Variants in HEYL observed in about 807,000 individuals in gnomAD.
The protein encoded by HEYL is hes related family bHLH transcription factor with YRPW motif like.
Under a neutral mutation model 18.6 loss-of-function variants are expected in HEYL, and 12 were observed. That is an observed-to-expected ratio of 0.65 (90% confidence interval 0.41 to 1.05). The LOEUF (loss-of-function observed/expected upper bound fraction) is 1.05. Among genes scored for constraint, HEYL ranks in the 50% least tolerant of loss-of-function variants. The pLI is 0.00. For missense variants in HEYL, 420 were observed against 444.7 expected, an observed-to-expected ratio of 0.94 and a Z score of 0.50; for synonymous variants, 159 against 179.6, an observed-to-expected ratio of 0.89 and a Z score of 0.91.
chr1:39,635,531 C>A (rs1410699170), intron 1 of HEYL, among the ~76,000 whole-genome samples: 1 of 152,202 alleles, frequency 6.6e-6, no homozygotes, highest in African/African-American at 2.4e-5. Flanking sequence ...TTATTTCCCC[C>A]CTTCTCCTCT....
chr1:39,637,920 A>G (rs1646368653), intron 1 of HEYL, among the ~76,000 whole-genome samples: 1 of 151,996 alleles, frequency 6.6e-6, no homozygotes, highest in Non-Finnish European at 1.5e-5. Context: ...CTGGGCTGCA[A>G]ACTTGTGGAG....
intron 3 of HEYL, 63 bp from the exon 4 acceptor site, chr1:39,630,371 C>T (rs773610511): frequency 1.3e-4 from 166 of 1,283,710 alleles, no homozygotes; most frequent in Non-Finnish European, 1.7e-4. Flanking sequence ...GCGGTGTCAT[C>T]AGCACTCACT....
chr1:39,636,973 C>T (rs1255526073), intron 1 of HEYL, among the ~76,000 whole-genome samples: 1 of 152,198 alleles, frequency 6.6e-6, no homozygotes, highest in Non-Finnish European at 1.5e-5. Flanking sequence ...CCTTATCCTG[C>T]GAGGCAGGAG....
chr1:39,631,588 T>A lies in HEYL; in HGVS notation c.148-9A>T. On this transcript the variant is annotated splice_polypyrimidine_tract_variant and intron_variant, in intron 2 of 4. Coordinates refer to ENST00000372852, the MANE Select transcript of HEYL (RefSeq NM_014571.4). Reference sequence around the variant, plus strand: ...CGCCGTTTCTCTATGATCTAAACAATCATGACAAGAAGTTACTCACAGGTG... The same window carrying A: ...CGCCGTTTCTCTATGATCTAAACAAACATGACAAGAAGTTACTCACAGGTG... 1 of 1,613,414 alleles carries A rather than the reference T, an allele frequency of 6.2e-7. No homozygotes were observed. The highest frequency in any genetic ancestry group is 8.5e-7 in the Non-Finnish European group (1 of 1,179,368).
chr1:39,628,430 C>T (rs1194819392), intron 4 of HEYL, among the ~76,000 whole-genome samples: 1 of 152,058 alleles, frequency 6.6e-6, no homozygotes, highest in Non-Finnish European at 1.5e-5. Context: ...CAGGCAACAG[C>T]CATCACAGCG....
chr1:39,626,518 C>T lies in HEYL; in HGVS notation c.976G>A (p.Gly326Arg), dbSNP rs776059831. 47 of 1,529,558 alleles carry T rather than the reference C, an allele frequency of 3.1e-5. No individual in the cohort carries two copies. Among genetic ancestry groups the T allele is most frequent in the Non-Finnish European group, 3.6e-5 (41 of 1,138,426 alleles). The allele number at this position is 1,529,558 out of a possible 1,614,324, so 94.7% of individuals were successfully genotyped here. ...GGTGAAGGGGCAGCTCAGAAAGCCC[C>T]GATTTCAGTGATTTCAGAGACCCAG... is the stretch of plus-strand genomic sequence containing the variant. ...HSWVSEITEI[G>R]AF Residue 326 changes from glycine to arginine, a missense_variant, in exon 5 of 5, where the codon GGG becomes AGG. Coordinates refer to ENST00000372852, the MANE Select transcript of HEYL (RefSeq NM_014571.4).
intron 2 of HEYL, 43 bp downstream of exon 2, chr1:39,632,606 C>T: frequency 6.4e-7 from 1 of 1,564,186 alleles, no homozygotes; most frequent in East Asian, 2.3e-5. Context: ...GGATTCATGG[C>T]AACCCTTTGT....
intron 1 of HEYL, 135 bp from the exon 2 acceptor site, chr1:39,632,850 A>C (rs1646341839): frequency 1.1e-5 from 17 of 1,512,654 alleles, no homozygotes; most frequent in Admixed American, 2.2e-5. Flanking sequence ...CTGGGGGCTC[A>C]TTTCAACCCG....
At chr1:39,631,678 G>T in intron 2 of HEYL, 99 bp from the exon 3 acceptor site, 1 of 913,744 alleles carries the variant, frequency 1.1e-6, no homozygotes. Context: ...CAGTATTTTT[G>T]TGAGGGAGAT....
Position 39,625,081 on chromosome 1 carries a change from T to C in HEYL, c.*1426A>G, listed in dbSNP as rs138871678. 6.6e-6 allele frequency: 1 copy of C among 152,320 alleles called. No individual in the cohort carries two copies. Among genetic ancestry groups the C allele is most frequent in the Non-Finnish European group, 1.5e-5 (1 of 68,052 alleles). The allele number at this position is 152,320 out of a possible 1,614,324, so 9.4% of individuals were successfully genotyped here. A position where few individuals can be genotyped will look rare whatever the true frequency, so the allele number is the denominator to read the frequency against. ...GAATGAGCACCAGTGAACTGCTGGC[T>C]CTGGGACTCCACAGCCTTGGATCGG... is the stretch of plus-strand genomic sequence containing the variant. On this transcript the variant is annotated 3_prime_UTR_variant, in exon 5 of 5. Transcript: ENST00000372852.
At position 39,626,452 on chromosome 1, in the gene HEYL, G is replaced by C; in HGVS notation, c.*55C>G. ...CAGAAAAGGCAGTGCCCTTTTTTGGGCTCCTGGTAAAAGAACCTTCCTTAT... is the reference window on the plus strand; with the variant it reads ...CAGAAAAGGCAGTGCCCTTTTTTGGCCTCCTGGTAAAAGAACCTTCCTTAT... On this transcript the variant is annotated 3_prime_UTR_variant, in exon 5 of 5. Transcript: ENST00000372852. 1.4e-6 allele frequency: 2 copies of C among 1,418,646 alleles called. No homozygotes were observed. The highest frequency in any genetic ancestry group is 3.0e-5 in the South Asian group (2 of 66,346). The allele number at this position is 1,418,646 out of a possible 1,614,324, so 87.9% of individuals were successfully genotyped here.
chr1:39,626,598 T>C lies in HEYL; in HGVS notation c.896A>G (p.Asn299Ser), dbSNP rs1255546993. 6.4e-7 allele frequency: 1 copy of C among 1,552,806 alleles called. No homozygotes were observed. Among genetic ancestry groups the C allele is most frequent in the Admixed American group, 2.0e-5 (1 of 50,882 alleles). Residue 299 changes from asparagine (N) to serine (S), a missense_variant, in exon 5 of 5, where the codon AAC becomes AGC. By Grantham distance (46) the Asn-to-Ser change is conservative. Transcript: ENST00000372852. ...SAAYVAVPTP[N>S]SSSPGPAGRP... is the part of the protein sequence containing the mutation. ...CCCAGCTGGCCCTGGGGAGGATGAG[T>C]TGGGGGTGGGAACAGCCACGTAAGC...
intron 1 of HEYL, among the ~76,000 whole-genome samples, chr1:39,635,218 G>A (rs1460497002): frequency 6.6e-6 from 1 of 152,226 alleles, no homozygotes; most frequent in Non-Finnish European, 1.5e-5. Context: ...GGAGGACCCA[G>A]CAAGCTAGGT....
intron 1 of HEYL, chr1:39,633,123 A>G (rs1180562157): frequency 2.0e-6 from 2 of 983,762 alleles, no homozygotes; most frequent in Non-Finnish European, 2.4e-6. Flanking sequence ...GAAAGAGCAG[A>G]TGCCGCTGCT....
Position 39,630,313 on chromosome 1 carries a change from G to C in HEYL, c.232-5C>G. ...TTTCTCCAGCTTGGAAGAGCCCTGC[G>C]GGTACAGAAGACAGAAGGGTGGAGC... On this transcript the variant is annotated splice_polypyrimidine_tract_variant and splice_region_variant and intron_variant, in intron 3 of 4. Coordinates refer to ENST00000372852, the MANE Select transcript of HEYL (RefSeq NM_014571.4). The C allele has an allele frequency of 1.2e-6, 2 of 1,612,602 alleles. No homozygotes were observed. Among genetic ancestry groups the C allele is most frequent in the South Asian group, 2.2e-5 (2 of 91,044 alleles).
rs375071116 is a variant in HEYL at position 39,624,303 on chromosome 1, C to G, written c.*2204G>C. On this transcript the variant is annotated 3_prime_UTR_variant, in exon 5 of 5. Transcript: ENST00000372852. ...CAGATCACACAGTCACCTTTCCTTC[C>G]ACAATATCCCAGGGACAATGAAAGC... 2 of 152,226 alleles carry G rather than the reference C, an allele frequency of 1.3e-5. No individual in the cohort carries two copies. The highest frequency in any genetic ancestry group is 2.1e-4 in the South Asian group (1 of 4,838). 9.4% of individuals were successfully genotyped at this position (152,226 alleles called of 1,614,324 possible). A position where few individuals can be genotyped will look rare whatever the true frequency, so the allele number is the denominator to read the frequency against.
intron 3 of HEYL, 70 bp downstream of exon 3, chr1:39,631,426 G>A (rs111993765): frequency 1.3e-5 from 16 of 1,279,562 alleles, no homozygotes; most frequent in African/African-American, 1.2e-4. Flanking sequence ...AACAAGAGAT[G>A]CCATGAGAAA....
At chr1:39,632,858 C>T in intron 1 of HEYL, 143 bp from the exon 2 acceptor site, 1 of 1,505,716 alleles carries the variant, frequency 6.6e-7, no homozygotes, top group Non-Finnish European at 8.8e-7. Flanking sequence ...TCATTTCAAC[C>T]CGGGTCAAGT....
Position 39,626,259 on chromosome 1 carries a change from T to C in HEYL, c.*248A>G, listed in dbSNP as rs183266275. 1.2e-5 allele frequency: 6 copies of C among 493,018 alleles called. No homozygotes were observed. The East Asian group carries it at 1.7e-4, about 14-fold the overall frequency. 30.5% of individuals were successfully genotyped at this position (493,018 alleles called of 1,614,324 possible). A position where few individuals can be genotyped will look rare whatever the true frequency, so the allele number is the denominator to read the frequency against. Reference sequence around the variant, plus strand: ...CTCTGAGGGTCTCTCCCAGGACTCATCTGTTCAGGTGAGAAATGGAACCAA... The same window carrying C: ...CTCTGAGGGTCTCTCCCAGGACTCACCTGTTCAGGTGAGAAATGGAACCAA... On this transcript the variant is annotated 3_prime_UTR_variant, in exon 5 of 5. Transcript: ENST00000372852.
Sources: gnomAD v4.1 joint callset for allele counts (sites outside exome capture counted in the v4.1 genomes callset) on GRCh38, gnomAD v4.1.1 for gene constraint, MANE v1.5 for transcripts, NCBI Gene and HGNC (gene_info 2026-07-23, HGNC 2026-07-21) for gene names.